The following COL4A2 variants were observed in gnomAD, a reference collection of about 807,000 sequenced individuals.
The protein encoded by COL4A2 is collagen type IV alpha 2 chain, also known as collagen alpha-2(IV) chain.
In COL4A2, 99 loss-of-function variants were observed where a neutral mutation model predicts 200.2. That is an observed-to-expected ratio of 0.49 (90% CI 0.42 to 0.58). The LOEUF (loss-of-function observed/expected upper bound fraction) is 0.58, where lower values mean the gene tolerates loss of function less well. Ranked by LOEUF, COL4A2 falls within the 20% of genes least tolerant of loss-of-function variation. The pLI is 0.00. For synonymous variants in COL4A2, 897 were observed against 900.6 expected, an observed-to-expected ratio of 1.00 and a Z score of 0.07; for missense variants, 1,950 against 2,314.1, an observed-to-expected ratio of 0.84 and a Z score of 3.23.
At position 110,504,275 on chromosome 13, in the gene COL4A2, G is replaced by A; in HGVS notation, c.4402+11G>A. On this transcript the variant is annotated intron_variant, in intron 45 of 47. Coordinates refer to ENST00000360467, the MANE Select transcript of COL4A2 (RefSeq NM_001846.4). ...CGATTGGCCAAGAAGGTGAGTGACA[G>A]TGGGGAAGGACCTTCCCAGGTCCTA... The A allele has an allele frequency of 3.7e-6, 6 of 1,602,834 alleles. No homozygotes were observed. The highest frequency in any genetic ancestry group is 3.4e-6 in the Non-Finnish European group (4 of 1,170,656).
chr13:110,398,342 G>A (rs568508899), intron 4 of COL4A2, among the ~76,000 whole-genome samples: 23 of 152,258 alleles, frequency 1.5e-4, no homozygotes, highest in Middle Eastern at 3.4e-3. Flanking sequence ...AGATATAAGT[G>A]TATAGCCATC....
intron 4 of COL4A2, among the ~76,000 whole-genome samples, chr13:110,414,869 T>A (rs571826475): frequency 2.6e-5 from 4 of 152,350 alleles, no homozygotes; most frequent in African/African-American, 9.6e-5. Context: ...ATAAAATGAA[T>A]CCATACTCTA....
At position 110,470,844 on chromosome 13, in the gene COL4A2, G is replaced by A. The variant is rs561741933; in HGVS notation, c.2203+1520G>A. Among the ~76,000 whole-genome samples, 17 of 152,278 alleles carry A rather than the reference G, an allele frequency of 1.1e-4. No individual in the cohort carries two copies. The East Asian group carries it at 1.4e-3, about 12-fold the overall frequency. ...GATAGATGGTATCTTTCGGAATTTT[G>A]TGTTGCAGCCCGTAGGGATTGTTCC... On this transcript the variant is annotated intron_variant, in intron 28 of 47. Transcript: ENST00000360467.
Position 110,489,515 on chromosome 13 carries a change from G to A in COL4A2, c.3271+7G>A. 2 of 1,614,186 alleles carry A rather than the reference G, an allele frequency of 1.2e-6. No homozygotes were observed. Among genetic ancestry groups the A allele is most frequent in the East Asian group, 2.2e-5 (1 of 44,890 alleles). ...GGCGCGACTGGTGATTTCGGTGAGTGTTGCCCGTCCAGTGAAAACAGGGAG... is the reference window on the plus strand; with the variant it reads ...GGCGCGACTGGTGATTTCGGTGAGTATTGCCCGTCCAGTGAAAACAGGGAG... On this transcript the variant is annotated splice_region_variant and intron_variant, in intron 35 of 47. Coordinates refer to ENST00000360467, the MANE Select transcript of COL4A2 (RefSeq NM_001846.4).
In COL4A2 at chr13:110,341,988, G is replaced by A. The variant is rs147644263; in HGVS notation, c.100-15484G>A. ...ACATAGGAGGACTACAAGCCTTGTTGCTTAGACAGGACTCACGAATTTTTA... is the reference window on the plus strand; with the variant it reads ...ACATAGGAGGACTACAAGCCTTGTTACTTAGACAGGACTCACGAATTTTTA... On this transcript the variant is annotated intron_variant, in intron 3 of 47. Coordinates refer to ENST00000360467, the MANE Select transcript of COL4A2 (RefSeq NM_001846.4). Among the ~76,000 whole-genome samples the A allele has an allele frequency of 7.2e-5, 11 of 152,324 alleles. No homozygotes were observed. The East Asian group carries it at 1.9e-3, about 27-fold the overall frequency.
chr13:110,353,350 G>C (rs1444980830), intron 3 of COL4A2, among the ~76,000 whole-genome samples: 3 of 152,202 alleles, frequency 2.0e-5, no homozygotes, highest in Non-Finnish European at 4.4e-5. Flanking sequence ...GACAAGAATA[G>C]GATCGCGGCT....
In COL4A2 at chr13:110,483,584, A is replaced by G. The variant is rs945390347; in HGVS notation, c.2902+925A>G. On this transcript the variant is annotated intron_variant, in intron 32 of 47. Transcript: ENST00000360467. ...CTGAGGAAGGATGGGGCTCTCAGAC[A>G]TGGCGCGTGGGCGAGCCTTGAGAAC... Among the ~76,000 whole-genome samples the G allele has an allele frequency of 3.5e-4, 53 of 152,366 alleles. 1 individual carries two copies. The highest frequency in any genetic ancestry group is 1.3e-3 in the African/African-American group (52 of 41,590).
At chr13:110,504,081 T>C (rs1883754899) in intron 44 of COL4A2, 67 bp from the exon 45 acceptor site, 1 of 1,577,724 alleles carries the variant, frequency 6.3e-7, no homozygotes, top group Non-Finnish European at 8.7e-7. Context: ...TGTGTTCTCT[T>C]TGTGGATCGC....
chr13:110,370,436 T>C (rs775814657), intron 4 of COL4A2, among the ~76,000 whole-genome samples: 8 of 152,290 alleles, frequency 5.3e-5, no homozygotes, highest in Middle Eastern at 6.8e-3. Flanking sequence ...TTTGTATTTT[T>C]AGTAGAAACG....
At chr13:110,368,624 G>C (rs1877856616) in intron 4 of COL4A2, among the ~76,000 whole-genome samples, 1 of 152,100 alleles carries the variant, frequency 6.6e-6, no homozygotes, top group African/African-American at 2.4e-5. Flanking sequence ...TCACTTTAAA[G>C]CATGAAGGGG....
chr13:110,493,187 T>A, intron 38 of COL4A2, 24 bp from the exon 39 acceptor site: 1 of 1,613,100 alleles, frequency 6.2e-7, no homozygotes, highest in Non-Finnish European at 8.5e-7. Flanking sequence ...GTGAAATAAA[T>A]AACGATGAGT....
chr13:110,497,727 A>C (rs1807645845), intron 40 of COL4A2, among the ~76,000 whole-genome samples: 2 of 151,212 alleles, frequency 1.3e-5, no homozygotes, highest in African/African-American at 4.9e-5. Flanking sequence ...TCAGTCCACC[A>C]GCACAGCCTC....
rs368412420 is a variant in COL4A2 at position 110,481,430 on chromosome 13, T to C, written c.2758+1040T>C. Reference sequence around the variant, plus strand: ...TCCCTCCATTGCTGGAGACACACTGTTCTGTCCCTCCGTTGCTGGAGACAC... The same window carrying C: ...TCCCTCCATTGCTGGAGACACACTGCTCTGTCCCTCCGTTGCTGGAGACAC... On this transcript the variant is annotated intron_variant, in intron 31 of 47. Coordinates refer to ENST00000360467, the MANE Select transcript of COL4A2 (RefSeq NM_001846.4). 8.6e-3 allele frequency among the ~76,000 whole-genome samples: 42 copies of C among 4,876 alleles called. 2 individuals are homozygous for C. Among genetic ancestry groups the C allele is most frequent in the South Asian group, 0.016 (1 of 62 alleles). The allele number at this position is 4,876 out of a possible 152,430, so 3.2% of individuals were successfully genotyped here.
In COL4A2 at chr13:110,469,266, AC is replaced by A; in HGVS notation, c.2147del (p.Pro716GlnfsTer22). ...IPGFAGADGG[P>X]GPRGLPGDAG... is the part of the protein sequence containing the mutation. ...CAGGCTTCGCAGGAGCTGATGGAGG[AC>A]CAGGGCCCAGGGGCTTGCCAGGAGA... On this transcript the variant is annotated frameshift_variant, in exon 28 of 48. Coordinates refer to ENST00000360467, the MANE Select transcript of COL4A2 (RefSeq NM_001846.4). LOFTEE classifies it high-confidence loss of function. 6.2e-7 allele frequency: 1 copy of A among 1,604,388 alleles called. No individual in the cohort carries two copies. Among genetic ancestry groups the A allele is most frequent in the Non-Finnish European group, 8.5e-7 (1 of 1,175,670 alleles).
Position 110,424,800 on chromosome 13 carries a change from C to A in COL4A2, c.247C>A (p.Leu83Met), listed in dbSNP as rs1353893351. The part of the protein sequence containing the change: ...GPPGLQGFPG[L>M]QGRKGDKGER... ...ACCAGGATTACAAGGATTCCCGGGA[C>A]TGCAGGGACGTAAAGGAGACAAGGG... Residue 83 changes from leucine (L) to methionine (M), a missense_variant, in exon 5 of 48, where the codon CTG (leucine) becomes ATG (methionine). By Grantham distance (15) the Leu-to-Met change is conservative. Transcript: ENST00000360467. The A allele has an allele frequency of 6.2e-7, 1 of 1,613,248 alleles. No homozygotes were observed. Among genetic ancestry groups the A allele is most frequent in the Non-Finnish European group, 8.5e-7 (1 of 1,179,202 alleles).
chr13:110,386,522 A>AAATGAAATGG (rs1878758394), intron 4 of COL4A2, among the ~76,000 whole-genome samples: 1 of 152,204 alleles, frequency 6.6e-6, no homozygotes, highest in African/African-American at 2.4e-5. Flanking sequence ...TAAAAAATGG[A>AAATGAAATGG]AATGAAAATA....
intron 3 of COL4A2, among the ~76,000 whole-genome samples, chr13:110,325,928 C>T (rs1326281040): frequency 6.6e-6 from 1 of 152,024 alleles, no homozygotes; most frequent in Admixed American, 6.5e-5. Context: ...GGACTACAGG[C>T]GTGCGTCACC....
In COL4A2 at chr13:110,469,287, A is replaced by G; in HGVS notation, c.2166A>G (p.Pro722=). The change falls in exon 28 of 48, where the codon CCA becomes CCG. Residue 722 remains proline (P), a synonymous_variant. Coordinates refer to ENST00000360467, the MANE Select transcript of COL4A2 (RefSeq NM_001846.4). ...ADGGPGPRGL[P]GDAGREGFPG... is the part of the protein sequence containing the mutation. ...GAGGACCAGGGCCCAGGGGCTTGCC[A>G]GGAGACGCAGGTCGTGAAGGGTTCC... The G allele has an allele frequency of 1.3e-6, 2 of 1,599,914 alleles. No individual in the cohort carries two copies. Among genetic ancestry groups the G allele is most frequent in the Non-Finnish European group, 8.5e-7 (1 of 1,173,448 alleles).
intron 3 of COL4A2, among the ~76,000 whole-genome samples, chr13:110,344,992 C>T (rs539040275): frequency 3.9e-5 from 6 of 152,146 alleles, no homozygotes; most frequent in African/African-American, 9.6e-5. Context: ...CCATGGACCT[C>T]GGTGGTTTGC....
Sources: allele counts gnomAD v4.1 joint callset (sites outside exome capture counted in the v4.1 genomes callset), GRCh38; gene constraint gnomAD v4.1.1; transcripts MANE v1.5; gene names NCBI Gene and HGNC (gene_info 2026-07-23, HGNC 2026-07-21).